Variants in TRPC4 observed in about 807,000 individuals in gnomAD.
TRPC4 encodes transient receptor potential cation channel subfamily C member 4.
A neutral mutation model predicts 99.4 loss-of-function variants in TRPC4; 49 were observed. The observed-to-expected ratio is 0.49, with a 90% CI of 0.39 to 0.63. The LOEUF is 0.63. TRPC4 is among the 20% of genes least tolerant of loss of function. TRPC4 has a pLI of 0.00. For missense variants in TRPC4, 898 were observed against 1,152.9 expected, an observed-to-expected ratio of 0.78 and a Z score of 3.20; for synonymous variants, 454 against 425.9, an observed-to-expected ratio of 1.07 and a Z score of -0.81.
In TRPC4 at chr13:37,842,764, G is replaced by A. The variant is rs1465346241; in HGVS notation, c.-28+26831C>T. ...ACCTCCTAATACCATCACTTTCAGG[G>A]TTAAGATTTCAGCATATAAATTTTT... On this transcript the variant is annotated intron_variant, in intron 1 of 10. Transcript: ENST00000379705. Among the ~76,000 whole-genome samples the A allele has an allele frequency of 2.0e-5, 3 of 152,142 alleles. No individual in the cohort carries two copies. The East Asian group carries it at 5.8e-4, about 29-fold the overall frequency.
At chr13:37,642,645 C>G (rs563634267) in intron 8 of TRPC4, among the ~76,000 whole-genome samples, 1 of 151,950 alleles carries the variant, frequency 6.6e-6, no homozygotes, top group Non-Finnish European at 1.5e-5. Flanking sequence ...AGTGTAGGAA[C>G]CTTGAGTTGG....
chr13:37,708,253 C>T (rs1398241405), intron 3 of TRPC4, among the ~76,000 whole-genome samples: 2 of 152,086 alleles, frequency 1.3e-5, no homozygotes, highest in Non-Finnish European at 2.9e-5. Flanking sequence ...GAATTTCTTG[C>T]TAAGCTCTTC....
At chr13:37,759,881 A>C (rs1395192993) in intron 2 of TRPC4, among the ~76,000 whole-genome samples, 2 of 151,950 alleles carry the variant, frequency 1.3e-5, no homozygotes, top group East Asian at 3.9e-4. Flanking sequence ...TTATTTCATC[A>C]ATTTGTGTCC....
At chr13:37,836,668 A>AT (rs1566211076) in intron 1 of TRPC4, among the ~76,000 whole-genome samples, 1 of 152,192 alleles carries the variant, frequency 6.6e-6, no homozygotes, top group East Asian at 1.9e-4. Context: ...TGTTAAAGGC[A>AT]TTCAGTTTTA....
intron 5 of TRPC4, among the ~76,000 whole-genome samples, chr13:37,667,360 A>C (rs988980078): frequency 6.6e-6 from 1 of 152,118 alleles, no homozygotes; most frequent in African/African-American, 2.4e-5. Context: ...AGGCTGGAGT[A>C]CAGTGCCGCA....
At chr13:37,762,216 C>T (rs559334583) in intron 2 of TRPC4, among the ~76,000 whole-genome samples, 2 of 151,884 alleles carry the variant, frequency 1.3e-5, no homozygotes, top group African/African-American at 4.8e-5. Flanking sequence ...TACAGTCCCA[C>T]CAACAGTGTA....
chr13:37,663,772 C>G, intron 5 of TRPC4, 43 bp from the exon 6 acceptor site: 1 of 1,512,546 alleles, frequency 6.6e-7, no homozygotes, highest in Non-Finnish European at 9.0e-7. Context: ...AACAAACACA[C>G]GCATATAAAT....
chr13:37,683,511 C>T (rs935351418), intron 4 of TRPC4, among the ~76,000 whole-genome samples: 9 of 152,122 alleles, frequency 5.9e-5, no homozygotes, highest in African/African-American at 2.2e-4. Flanking sequence ...CTGGAAGACT[C>T]CTGGAAGAGT....
chr13:37,743,765 C>T (rs989560016), intron 3 of TRPC4, among the ~76,000 whole-genome samples: 34 of 152,220 alleles, frequency 2.2e-4, no homozygotes, highest in African/African-American at 7.9e-4. Flanking sequence ...ATTTCTATCT[C>T]GAACAACTCT....
intron 5 of TRPC4, among the ~76,000 whole-genome samples, chr13:37,673,940 T>C (rs971421942): frequency 6.6e-6 from 1 of 152,120 alleles, no homozygotes; most frequent in Non-Finnish European, 1.5e-5. Flanking sequence ...ATAGAAAGGA[T>C]TAGAAACTAG....
chr13:37,723,764 A>T (rs1954948501), intron 3 of TRPC4, among the ~76,000 whole-genome samples: 2 of 152,132 alleles, frequency 1.3e-5, no homozygotes, highest in African/African-American at 4.8e-5. Context: ...TGTGTTGCCC[A>T]GGCTGGTCTT....
chr13:37,674,330 G>A lies in TRPC4; in HGVS notation c.1272C>T (p.Gly424=), dbSNP rs369709643. Residue 424 remains glycine (G), a synonymous_variant, in exon 5 of 11, where the codon GGC becomes GGT. Coordinates refer to ENST00000379705, the MANE Select transcript of TRPC4 (RefSeq NM_016179.4). The part of the protein sequence containing the change: ...IWGEIKQMWD[G]GLQDYIHDWW... ...AATCATGGATGTAGTCCTGAAGTCC[G>A]CCATCCCACATCTGTTTAATTTCTC... 48 of 1,606,624 alleles carry A rather than the reference G, an allele frequency of 3.0e-5. No homozygotes were observed. The highest frequency in any genetic ancestry group is 9.0e-5 in the East Asian group (4 of 44,572).
intron 1 of TRPC4, among the ~76,000 whole-genome samples, chr13:37,796,740 G>A (rs967840646): frequency 5.3e-5 from 8 of 151,570 alleles, no homozygotes; most frequent in African/African-American, 1.7e-4. Context: ...TGTCCCATTG[G>A]CTCTCCTCCT....
intron 3 of TRPC4, among the ~76,000 whole-genome samples, chr13:37,696,526 T>TA (rs1365211993): frequency 3.3e-5 from 5 of 152,244 alleles, no homozygotes; most frequent in African/African-American, 4.8e-5. Flanking sequence ...AGTCATTCTC[T>TA]ATAGGAAGAA....
intron 1 of TRPC4, among the ~76,000 whole-genome samples, chr13:37,820,716 G>T (rs1957986282): frequency 6.6e-6 from 1 of 151,974 alleles, no homozygotes; most frequent in Non-Finnish European, 1.5e-5. Flanking sequence ...ATGAAGAAAA[G>T]GCTTTCAAAG....
At chr13:37,835,823 T>C (rs1958549958) in intron 1 of TRPC4, among the ~76,000 whole-genome samples, 1 of 152,230 alleles carries the variant, frequency 6.6e-6, no homozygotes. Context: ...AGGAACAATA[T>C]AACAAGGGTA....
chr13:37,724,678 T>C (rs1192517775), intron 3 of TRPC4, among the ~76,000 whole-genome samples: 1 of 152,182 alleles, frequency 6.6e-6, no homozygotes, highest in East Asian at 1.9e-4. Flanking sequence ...GTAACATTAT[T>C]GTGAGTAAAA....
chr13:37,776,720 T>C (rs1047069900), intron 2 of TRPC4, among the ~76,000 whole-genome samples: 1 of 151,970 alleles, frequency 6.6e-6, no homozygotes, highest in Non-Finnish European at 1.5e-5. Flanking sequence ...ATAAAGTTCA[T>C]GCGATTGCAG....
At chr13:37,659,608 T>C (rs547414818) in intron 6 of TRPC4, among the ~76,000 whole-genome samples, 1 of 152,276 alleles carries the variant, frequency 6.6e-6, no homozygotes, top group South Asian at 2.1e-4. Context: ...TTTGGCACTT[T>C]AAACAGGGTA....
Sources: allele counts gnomAD v4.1 joint callset (sites outside exome capture counted in the v4.1 genomes callset), GRCh38; gene constraint gnomAD v4.1.1; transcripts MANE v1.5; gene names NCBI Gene and HGNC (gene_info 2026-07-23, HGNC 2026-07-21).